Variants in PRKG1 observed in about 807,000 individuals in gnomAD.
PRKG1 encodes cGMP-dependent protein kinase 1.
A neutral mutation model predicts 88.1 loss-of-function variants in PRKG1; 35 were observed. That is an observed-to-expected ratio of 0.40 (90% CI 0.30 to 0.53). The LOEUF is 0.53. PRKG1 is among the 20% of genes least tolerant of loss of function. The pLI, the probability that PRKG1 is intolerant of heterozygous loss-of-function variation, is 0.59. For missense variants in PRKG1, 540 were observed against 839.8 expected, an observed-to-expected ratio of 0.64 and a Z score of 4.41; for synonymous variants, 303 against 292.5, an observed-to-expected ratio of 1.04 and a Z score of -0.37.
chr10:51,392,750 C>T (rs28642188), intron 2 of PRKG1, among the ~76,000 whole-genome samples: 17,886 of 141,582 alleles, frequency 0.13, 1,319 homozygotes, highest in Admixed American at 0.24. Context: ...GGCGGCTGGC[C>T]GGGCGGGGGG....
At chr10:51,273,672 A>T (rs538378771) in intron 2 of PRKG1, among the ~76,000 whole-genome samples, 1 of 152,362 alleles carries the variant, frequency 6.6e-6, no homozygotes, top group African/African-American at 2.4e-5. Flanking sequence ...ATAAGAAGAC[A>T]GATTTCTAAC....
intron 3 of PRKG1, among the ~76,000 whole-genome samples, chr10:51,636,407 T>A (rs375684657): frequency 3.9e-4 from 60 of 152,334 alleles, no homozygotes; most frequent in African/African-American, 1.4e-3. Context: ...AATTGGTTAT[T>A]CTGTTCATGT....
chr10:51,636,263 T>C (rs990012101), intron 3 of PRKG1, among the ~76,000 whole-genome samples: 2 of 152,220 alleles, frequency 1.3e-5, no homozygotes, highest in African/African-American at 4.8e-5. Context: ...GCCCTAGGAC[T>C]TTGGAAATCT....
intron 7 of PRKG1, among the ~76,000 whole-genome samples, chr10:52,090,237 G>C (rs894397526): frequency 6.6e-6 from 1 of 151,972 alleles, no homozygotes; most frequent in Non-Finnish European, 1.5e-5. Context: ...GTGCTAGAAA[G>C]GAAGGAATGA....
chr10:51,252,544 T>G (rs1283693649), intron 2 of PRKG1, among the ~76,000 whole-genome samples: 1 of 151,778 alleles, frequency 6.6e-6, no homozygotes, highest in Admixed American at 6.6e-5. Context: ...AAAAAAATCC[T>G]TAGTAAGTTC....
At chr10:51,887,271 C>A (rs1841594538) in intron 4 of PRKG1, among the ~76,000 whole-genome samples, 1 of 152,004 alleles carries the variant, frequency 6.6e-6, no homozygotes, top group Non-Finnish European at 1.5e-5. Flanking sequence ...AGGTGTGAGC[C>A]ACAGCACCTG....
intron 3 of PRKG1, among the ~76,000 whole-genome samples, chr10:51,487,133 C>T (rs1022666981): frequency 1.3e-5 from 2 of 152,014 alleles, no homozygotes; most frequent in African/African-American, 4.8e-5. Context: ...ATAAATACTG[C>T]CAAGCCAGTA....
intron 7 of PRKG1, among the ~76,000 whole-genome samples, chr10:52,131,078 G>A (rs912641111): frequency 6.6e-6 from 1 of 152,182 alleles, no homozygotes; most frequent in Non-Finnish European, 1.5e-5. Flanking sequence ...TGGAGGGAAT[G>A]GAGGTGGGTT....
intron 3 of PRKG1, among the ~76,000 whole-genome samples, chr10:51,624,349 A>G (rs1368523130): frequency 2.0e-5 from 3 of 152,206 alleles, no homozygotes; most frequent in Admixed American, 1.3e-4. Context: ...AAGCTGCTCA[A>G]TTAAGCTTTC....
chr10:51,642,385 G>A (rs114892589), intron 3 of PRKG1, among the ~76,000 whole-genome samples: 6,502 of 152,088 alleles, frequency 0.043, 180 homozygotes, highest in Middle Eastern at 0.075. Context: ...GCAAGGCTCC[G>A]TCTCAAAAAA....
chr10:51,153,215 C>T lies in PRKG1; in HGVS notation c.363C>T (p.Asn121=), dbSNP rs1379572247. The change falls in exon 2 of 18, where the codon AAC becomes AAT. Residue 121 remains asparagine, a synonymous_variant. Transcript: ENST00000373980. ...EAILDNDFMK[N]LELSQIQEIV... ...TCCTTGACAATGACTTTATGAAGAA[C>T]TTGGAGCTGTCGCAGATCCAGGAGA... The T allele has an allele frequency of 6.2e-7, 1 of 1,612,514 alleles. No homozygotes were observed. Among genetic ancestry groups the T allele is most frequent in the Non-Finnish European group, 8.5e-7 (1 of 1,178,962 alleles).
At chr10:51,845,383 A>G (rs762761787) in intron 4 of PRKG1, among the ~76,000 whole-genome samples, 1 of 152,132 alleles carries the variant, frequency 6.6e-6, no homozygotes, top group Non-Finnish European at 1.5e-5. Flanking sequence ...TCAATATTAT[A>G]TTTTGTGCTT....
At chr10:51,670,744 AT>A (rs770412534) in intron 3 of PRKG1, among the ~76,000 whole-genome samples, 36,104 of 125,178 alleles carry the variant, frequency 0.29, 5,416 homozygotes, top group Non-Finnish European at 0.33. Context: ...TCAAAAAAAA[AT>A]AAATAAATAA....
At chr10:51,269,915 G>T (rs181356697) in intron 2 of PRKG1, among the ~76,000 whole-genome samples, 7 of 152,254 alleles carry the variant, frequency 4.6e-5, no homozygotes, top group Non-Finnish European at 1.5e-5. Context: ...ATAATTTATT[G>T]TTAGATACAA....
chr10:51,327,513 A>G (rs377419837), intron 2 of PRKG1, among the ~76,000 whole-genome samples: 1 of 152,200 alleles, frequency 6.6e-6, no homozygotes, highest in African/African-American at 2.4e-5. Flanking sequence ...GAATTAACAG[A>G]TAAAATTGCA....
intron 4 of PRKG1, among the ~76,000 whole-genome samples, chr10:51,820,007 T>C (rs995007424): frequency 6.6e-6 from 1 of 152,148 alleles, no homozygotes; most frequent in African/African-American, 2.4e-5. Context: ...AAAAAGATTT[T>C]AAAAATTATT....
chr10:51,732,579 T>G (rs1837143745), intron 3 of PRKG1, among the ~76,000 whole-genome samples: 1 of 152,188 alleles, frequency 6.6e-6, no homozygotes, highest in Non-Finnish European at 1.5e-5. Context: ...ATCAAGTTCC[T>G]TCCTAATAAT....
At chr10:51,583,998 A>G (rs1319934580) in intron 3 of PRKG1, among the ~76,000 whole-genome samples, 2 of 152,082 alleles carry the variant, frequency 1.3e-5, no homozygotes, top group Non-Finnish European at 1.5e-5. Context: ...ACAGAGCATA[A>G]TCTACCTCTA....
chr10:52,272,357 T>C (rs768086695), intron 11 of PRKG1, 35 bp from the exon 12 acceptor site: 1 of 1,489,046 alleles, frequency 6.7e-7, no homozygotes, highest in Admixed American at 1.9e-5. Context: ...GACAGTAATG[T>C]TTATAATCTT....
Sources: gnomAD v4.1 joint callset for allele counts (sites outside exome capture counted in the v4.1 genomes callset) on GRCh38, gnomAD v4.1.1 for gene constraint, MANE v1.5 for transcripts, NCBI Gene and HGNC (gene_info 2026-07-23, HGNC 2026-07-21) for gene names.